The following ANKRD26 variants were observed in gnomAD, a reference collection of about 807,000 sequenced individuals.
The protein encoded by ANKRD26 is ankyrin repeat domain-containing protein 26.
ANKRD26 carries 141 observed loss-of-function variants against 208.7 expected under a neutral mutation model. The ratio of observed to expected loss-of-function variants is 0.68; its 90% CI spans 0.59 to 0.78. The LOEUF is 0.78. Among genes scored for constraint, ANKRD26 ranks in the 30% least tolerant of loss-of-function variants. The probability of loss-of-function intolerance (pLI) is 0.00; values close to 1 mark genes in which losing one functional copy is unlikely to be tolerated. For synonymous variants in ANKRD26, 636 were observed against 660.4 expected, an observed-to-expected ratio of 0.96 and a Z score of 0.57; for missense variants, 1,889 against 1,938.7, an observed-to-expected ratio of 0.97 and a Z score of 0.48.
intron 2 of ANKRD26, 26 bp downstream of exon 2, chr10:27,093,659 T>A: frequency 6.2e-7 from 1 of 1,605,932 alleles, no homozygotes; most frequent in Non-Finnish European, 8.5e-7. Context: ...ATCCATCTGA[T>A]GCTGAAAGAG....
At chr10:27,003,046 T>C (rs2052759924), downstream of ANKRD26, among the ~76,000 whole-genome samples, 1 of 152,206 alleles carries the variant, frequency 6.6e-6, no homozygotes, top group African/African-American at 2.4e-5. Context: ...ATAGGAACGT[T>C]ATGTTTTATT....
In ANKRD26 at chr10:27,100,425, C is replaced by G; in HGVS notation, c.-99G>C. ...CAAGTCAGCCCCGGCTGGCCGCAGC[C>G]TCCCAAAGGAAACTCCGCGGTTTCC... On this transcript the variant is annotated 5_prime_UTR_variant, in exon 1 of 34. Transcript: ENST00000376087. The G allele has an allele frequency of 6.5e-7, 1 of 1,536,400 alleles. No homozygotes were observed. Among genetic ancestry groups the G allele is most frequent in the Non-Finnish European group, 8.7e-7 (1 of 1,148,968 alleles).
intron 15 of ANKRD26, among the ~76,000 whole-genome samples, chr10:27,058,644 C>T (rs923433220): frequency 7.3e-5 from 11 of 151,496 alleles, no homozygotes; most frequent in African/African-American, 1.9e-4. Flanking sequence ...GGCGCCATCT[C>T]GGCTCACTGC....
chr10:27,035,383 TTTGATCACGATCATGTATAGCAGC>T lies in ANKRD26; in HGVS notation c.3043_3066del (p.Ala1015_Gln1022del), dbSNP rs751473714. The T allele has an allele frequency of 5.0e-6, 8 of 1,613,908 alleles. No individual in the cohort carries two copies. The highest frequency in any genetic ancestry group is 6.8e-6 in the Non-Finnish European group (8 of 1,179,948). ...TCTAGTTCTCTTTTTGATGTCTCACTTTGATCACGATCATGTATAGCAGCAGCCAATCTAGAATGGTATGATTCA... is the reference window on the plus strand; with the variant it reads ...TCTAGTTCTCTTTTTGATGTCTCACTAGCCAATCTAGAATGGTATGATTCA... On this transcript the variant is annotated inframe_deletion, in exon 24 of 34. Coordinates refer to ENST00000376087, the MANE Select transcript of ANKRD26 (RefSeq NM_014915.3).
At chr10:27,006,716 T>C (rs992282828) in intron 33 of ANKRD26, among the ~76,000 whole-genome samples, 4 of 152,204 alleles carry the variant, frequency 2.6e-5, no homozygotes, top group African/African-American at 9.6e-5. Context: ...TGGAACATGA[T>C]GAATTAATGA....
chr10:27,055,846 GTTACA>G (rs60518806), intron 15 of ANKRD26, among the ~76,000 whole-genome samples: 12,881 of 152,086 alleles, frequency 0.085, 657 homozygotes, highest in African/African-American at 0.15. Flanking sequence ...GTGCTTTTTT[GTTACA>G]TTACATGTAG....
intron 32 of ANKRD26, among the ~76,000 whole-genome samples, chr10:27,008,515 A>T (rs543692281): frequency 7.9e-5 from 12 of 152,326 alleles, no homozygotes; most frequent in Admixed American, 2.6e-4. Flanking sequence ...CTACTAATGT[A>T]ATGTAGTTTC....
At chr10:26,950,310 C>T in the ANKRD26 span, among the ~76,000 whole-genome samples, 1 of 152,362 alleles carries the variant, frequency 6.6e-6, no homozygotes, top group Admixed American at 6.5e-5. Context: ...GCTTCTCCTT[C>T]ACCCTCTGTG....
intron 25 of ANKRD26, among the ~76,000 whole-genome samples, chr10:27,031,605 T>C (rs1436820998): frequency 6.6e-6 from 1 of 152,162 alleles, no homozygotes; most frequent in African/African-American, 2.4e-5. Flanking sequence ...GATAACAATG[T>C]TCTAAAATTG....
intron 31 of ANKRD26, among the ~76,000 whole-genome samples, chr10:27,013,358 G>T (rs1405255580): frequency 4.6e-5 from 7 of 152,160 alleles, no homozygotes; most frequent in Non-Finnish European, 8.8e-5. Flanking sequence ...AAGTAGGGAA[G>T]GGAAGAAAAT....
intron 6 of ANKRD26, among the ~76,000 whole-genome samples, chr10:27,082,074 AGGGAG>A (rs2055940054): frequency 2.6e-5 from 1 of 38,714 alleles, no homozygotes; most frequent in East Asian, 4.1e-4. Context: ...AAAAAAAAAA[AGGGAG>A]AGAGAGAAAC....
chr10:27,047,743 ATT>A (rs2054508732), intron 17 of ANKRD26, among the ~76,000 whole-genome samples: 5 of 35,784 alleles, frequency 1.4e-4, no homozygotes, highest in African/African-American at 2.4e-4. Flanking sequence ...AATAATAATT[ATT>A]ATTATTATTA....
At chr10:26,978,099 C>T (rs945677241) in intron 5 of ANKRD26, among the ~76,000 whole-genome samples, 6 of 152,140 alleles carry the variant, frequency 3.9e-5, no homozygotes, top group South Asian at 2.1e-4. Flanking sequence ...TTGTCATGAT[C>T]GCAAACCATT....
chr10:27,026,882 G>A (rs975097422), intron 27 of ANKRD26, among the ~76,000 whole-genome samples: 38 of 152,068 alleles, frequency 2.5e-4, no homozygotes, highest in African/African-American at 8.7e-4. Flanking sequence ...CACCTTCTGG[G>A]TTCAAGCAAT....
intron 15 of ANKRD26, among the ~76,000 whole-genome samples, chr10:27,056,011 C>G (rs1425462509): frequency 3.3e-5 from 5 of 152,132 alleles, no homozygotes; most frequent in Admixed American, 2.6e-4. Flanking sequence ...CAAGTTTATG[C>G]TCTATACTGG....
intron 32 of ANKRD26, among the ~76,000 whole-genome samples, chr10:27,009,796 CCAGGTGGGGGTTATGCTT>C (rs2053028915): frequency 6.6e-6 from 1 of 152,046 alleles, no homozygotes; most frequent in Admixed American, 6.6e-5. Flanking sequence ...TTGTTTATTT[CCAGGTGGGGGTTATGCTT>C]CAGGTGGCGG....
intron 9 of ANKRD26, among the ~76,000 whole-genome samples, chr10:27,076,760 A>T (rs917445999): frequency 2.0e-5 from 3 of 152,162 alleles, no homozygotes; most frequent in African/African-American, 7.2e-5. Context: ...AAACTGAAAA[A>T]TTCCGGGAAA....
intron 3 of ANKRD26, 92 bp downstream of exon 3, chr10:27,093,257 G>A (rs2056357383): frequency 2.4e-5 from 28 of 1,185,150 alleles, no homozygotes; most frequent in Admixed American, 7.9e-5. Context: ...GAATGCTTGC[G>A]CTTCCAAATA....
chr10:27,052,047 G>C (rs1356747906), intron 16 of ANKRD26: 2 of 985,222 alleles, frequency 2.0e-6, no homozygotes, highest in Non-Finnish European at 2.4e-6. Flanking sequence ...TGGTTCTTGA[G>C]ACATCTTTTG....
Sources: allele counts gnomAD v4.1 joint callset (sites outside exome capture counted in the v4.1 genomes callset), GRCh38; gene constraint gnomAD v4.1.1; transcripts MANE v1.5; gene names NCBI Gene and HGNC (gene_info 2026-07-23, HGNC 2026-07-21).